NUBPL: variants seen among roughly 807,000 people sequenced by gnomAD.
NUBPL encodes NUBP iron-sulfur cluster assembly factor, mitochondrial, also known as iron-sulfur cluster transfer protein NUBPL.
A neutral mutation model predicts 45.7 loss-of-function variants in NUBPL; 31 were observed. The ratio of observed to expected loss-of-function variants is 0.68; its 90% CI spans 0.51 to 0.92. The LOEUF is 0.92. Ranked by LOEUF, NUBPL falls within the 40% of genes least tolerant of loss-of-function variation. The pLI, the probability that NUBPL is intolerant of heterozygous loss-of-function variation, is 0.00. For missense variants in NUBPL, 401 were observed against 398.7 expected (o/e 1.01, Z -0.05); for synonymous variants, 144 against 140.9 (o/e 1.02, Z -0.15).
chr14:31,626,182 G>GT (rs1170397080), intron 4 of NUBPL, among the ~76,000 whole-genome samples: 1 of 151,178 alleles, frequency 6.6e-6, no homozygotes, highest in Non-Finnish European at 1.5e-5. Flanking sequence ...TTTTTATTTT[G>GT]TTTTTTGCTC....
chr14:31,856,790 AG>A (rs1273208970), intron 10 of NUBPL, among the ~76,000 whole-genome samples: 2 of 152,204 alleles, frequency 1.3e-5, no homozygotes, highest in East Asian at 3.9e-4. Flanking sequence ...GCAAGAGGTG[AG>A]TTCCCATAGT....
chr14:31,685,508 CT>C (rs879530035), intron 6 of NUBPL, among the ~76,000 whole-genome samples: 4 of 150,416 alleles, frequency 2.7e-5, no homozygotes, highest in Admixed American at 6.6e-5. Context: ...AAATTAAAGC[CT>C]TTTTTTTTCT....
chr14:31,839,554 G>A (rs142462688), intron 8 of NUBPL, among the ~76,000 whole-genome samples: 2 of 152,216 alleles, frequency 1.3e-5, no homozygotes, highest in East Asian at 3.9e-4. Flanking sequence ...ATTGGTCTGG[G>A]CAATTATTTT....
intron 6 of NUBPL, among the ~76,000 whole-genome samples, chr14:31,733,397 G>T (rs1196676377): frequency 1.3e-5 from 2 of 151,972 alleles, no homozygotes; most frequent in African/African-American, 4.8e-5. Flanking sequence ...ATTTTGCTAG[G>T]GATAATATTG....
At chr14:31,832,406 TGA>T (rs1412065667) in intron 8 of NUBPL, among the ~76,000 whole-genome samples, 2 of 152,086 alleles carry the variant, frequency 1.3e-5, no homozygotes, top group Admixed American at 1.3e-4. Context: ...AAAAGAATTT[TGA>T]GAGTTATGAT....
chr14:31,702,573 G>T (rs1419156461), intron 6 of NUBPL, among the ~76,000 whole-genome samples: 1 of 152,094 alleles, frequency 6.6e-6, no homozygotes, highest in East Asian at 2.0e-4. Flanking sequence ...ATGAATGTAT[G>T]TGTAAAGCTA....
At chr14:31,610,405 C>A (rs1404785192) in intron 4 of NUBPL, among the ~76,000 whole-genome samples, 2 of 151,590 alleles carry the variant, frequency 1.3e-5, no homozygotes, top group Non-Finnish European at 2.9e-5. Flanking sequence ...CAACAAGTAA[C>A]AAGATCAATG....
At chr14:31,633,813 T>A (rs1013755171) in intron 4 of NUBPL, among the ~76,000 whole-genome samples, 4 of 152,194 alleles carry the variant, frequency 2.6e-5, no homozygotes, top group Non-Finnish European at 5.9e-5. Context: ...ACCTCTGAAA[T>A]ATTTGCACAC....
chr14:31,853,017 G>A (rs1309132282), intron 10 of NUBPL, among the ~76,000 whole-genome samples: 1 of 152,134 alleles, frequency 6.6e-6, no homozygotes, highest in Non-Finnish European at 1.5e-5. Flanking sequence ...GAAGTTAATG[G>A]GGCAAAACCT....
chr14:31,767,395 G>T (rs1399907851), intron 6 of NUBPL, among the ~76,000 whole-genome samples: 1 of 151,912 alleles, frequency 6.6e-6, no homozygotes, highest in East Asian at 1.9e-4. Flanking sequence ...AGTAGAGACA[G>T]GCTACTAAAC....
At chr14:31,734,662 A>AT (rs890230306) in intron 6 of NUBPL, among the ~76,000 whole-genome samples, 6 of 152,034 alleles carry the variant, frequency 3.9e-5, no homozygotes, top group African/African-American at 1.4e-4. Flanking sequence ...TTTTAGTTGA[A>AT]TTTTTTGAAT....
At chr14:31,658,537 G>A (rs1177978747) in intron 4 of NUBPL, among the ~76,000 whole-genome samples, 1 of 151,238 alleles carries the variant, frequency 6.6e-6, no homozygotes, top group Non-Finnish European at 1.5e-5. Context: ...TTTTGAAAGG[G>A]AGTCTCACTC....
At chr14:31,808,400 C>G (rs564163412) in intron 7 of NUBPL, among the ~76,000 whole-genome samples, 2 of 152,290 alleles carry the variant, frequency 1.3e-5, no homozygotes, top group South Asian at 4.1e-4. Flanking sequence ...GAATGGGATT[C>G]ACTCACGATT....
At chr14:31,602,833 A>G (rs1439989593) in intron 4 of NUBPL, among the ~76,000 whole-genome samples, 1 of 152,196 alleles carries the variant, frequency 6.6e-6, no homozygotes, top group African/African-American at 2.4e-5. Flanking sequence ...TTCTCTGATC[A>G]GATTTCTTGG....
At position 31,565,857 on chromosome 14, in the gene NUBPL, C is replaced by G. The variant is rs1337958078; in HGVS notation, c.291+809C>G. Among the ~76,000 whole-genome samples, 5 of 151,788 alleles carry G rather than the reference C, an allele frequency of 3.3e-5. No individual in the cohort carries two copies. In the East Asian group the frequency reaches 9.7e-4, roughly 29 times the overall value. ...TAAAAAATTTCAGTTCCATTCTTTT[C>G]CTTGGGAGAAGAAAAAAAAATTCAG... On this transcript the variant is annotated intron_variant, in intron 3 of 10. Transcript: ENST00000281081.
chr14:31,611,070 T>C (rs913062445), intron 4 of NUBPL, among the ~76,000 whole-genome samples: 2 of 152,144 alleles, frequency 1.3e-5, no homozygotes, highest in African/African-American at 4.8e-5. Context: ...GTACTGGAAG[T>C]CATAGCTAGA....
intron 6 of NUBPL, among the ~76,000 whole-genome samples, chr14:31,740,982 A>C (rs911619817): frequency 4.6e-5 from 7 of 152,112 alleles, no homozygotes; most frequent in African/African-American, 1.7e-4. Context: ...TAGAATTTCC[A>C]TCTGTTTACA....
chr14:31,673,559 G>T lies in NUBPL; in HGVS notation c.498G>T (p.Glu166Asp). The change falls in exon 6 of 11, where the codon GAG (glutamate) becomes GAT (aspartate). Residue 166 changes from glutamate to aspartate, a missense_variant. Physicochemically the swap from Glu to Asp is conservative, Grantham distance 45. Coordinates refer to ENST00000281081, the MANE Select transcript of NUBPL (RefSeq NM_025152.3). ...WRGLMVMSAI[E>D]KLLRQVDWGQ... is the part of the protein sequence containing the mutation. ...GCCTTATGGTAATGTCGGCCATTGA[G>T]AAATTGTTGAGGCAGGTAAGAATAT... 6.2e-7 allele frequency: 1 copy of T among 1,613,618 alleles called. No individual in the cohort carries two copies. Among genetic ancestry groups the T allele is most frequent in the Non-Finnish European group, 8.5e-7 (1 of 1,179,660 alleles).
chr14:31,857,444 G>T (rs2040642737), intron 10 of NUBPL, among the ~76,000 whole-genome samples: 1 of 152,188 alleles, frequency 6.6e-6, no homozygotes, highest in African/African-American at 2.4e-5. Context: ...TCGGCTCCTA[G>T]TTACTTATAC....
Sources: gnomAD v4.1 joint callset for allele counts (sites outside exome capture counted in the v4.1 genomes callset) on GRCh38, gnomAD v4.1.1 for gene constraint, MANE v1.5 for transcripts, NCBI Gene and HGNC (gene_info 2026-07-23, HGNC 2026-07-21) for gene names.